CENPC: variants seen among roughly 807,000 people sequenced by gnomAD.
The protein encoded by CENPC is CENP-C 1.
A neutral mutation model predicts 112.1 loss-of-function variants in CENPC; 63 were observed. The ratio of observed to expected loss-of-function variants is 0.56; its 90% CI spans 0.46 to 0.69. The LOEUF is 0.69. CENPC is among the 30% of genes least tolerant of loss of function. The probability of loss-of-function intolerance (pLI) is 0.00; values close to 1 mark genes in which losing one functional copy is unlikely to be tolerated. For synonymous variants in CENPC, 333 were observed against 367.6 expected (o/e 0.91, Z 1.08); for missense variants, 1,000 against 1,103.8 (o/e 0.91, Z 1.33).
At chr4:67,521,018 T>C (rs1274248056) in intron 5 of CENPC, among the ~76,000 whole-genome samples, 1 of 131,526 alleles carries the variant, frequency 7.6e-6, no homozygotes, top group Non-Finnish European at 1.6e-5. Context: ...TCTCAAAAAA[T>C]AAACAAATAA....
chr4:67,544,030 A>T (rs1295929403), intron 2 of CENPC, 119 bp downstream of exon 2: 1 of 649,968 alleles, frequency 1.5e-6, no homozygotes, highest in Non-Finnish European at 2.8e-6. Context: ...GACTACCCTT[A>T]ATCAGTGGGC....
chr4:67,529,203 A>C (rs1254961464), intron 5 of CENPC, among the ~76,000 whole-genome samples: 1 of 152,144 alleles, frequency 6.6e-6, no homozygotes, highest in Non-Finnish European at 1.5e-5. Context: ...TGAGCTGTAG[A>C]AGTTCTTTAT....
chr4:67,497,348 A>T (rs1398465540), intron 12 of CENPC, among the ~76,000 whole-genome samples: 1 of 152,010 alleles, frequency 6.6e-6, no homozygotes, highest in Non-Finnish European at 1.5e-5. Flanking sequence ...ATTGCACTCC[A>T]CTCTGGGCGA....
At chr4:67,537,797 C>CAGAT (rs1184305081) in intron 4 of CENPC, among the ~76,000 whole-genome samples, 4 of 151,794 alleles carry the variant, frequency 2.6e-5, no homozygotes, top group East Asian at 1.9e-4. Flanking sequence ...TGTCTCAAGA[C>CAGAT]AGATAGATAG....
At chr4:67,509,144 T>C in intron 9 of CENPC, 39 bp from the exon 10 acceptor site, 1 of 1,518,800 alleles carries the variant, frequency 6.6e-7, no homozygotes, top group Non-Finnish European at 8.9e-7. Context: ...AGTAAGTTTG[T>C]CCAGATGATT....
intron 17 of CENPC, among the ~76,000 whole-genome samples, chr4:67,478,982 T>G (rs528027536): frequency 6.6e-5 from 10 of 152,232 alleles, no homozygotes; most frequent in African/African-American, 2.4e-4. Context: ...AAGAAGGCCA[T>G]TATGTAATAA....
At chr4:67,482,266 G>A (rs1417528578) in intron 17 of CENPC, among the ~76,000 whole-genome samples, 1 of 152,144 alleles carries the variant, frequency 6.6e-6, no homozygotes, top group Non-Finnish European at 1.5e-5. Flanking sequence ...AATAGTAGAT[G>A]TTGGCCTAGA....
In CENPC at chr4:67,492,963, G is replaced by A. The variant is rs1443175314; in HGVS notation, c.2325C>T (p.Asp775=). Residue 775 remains aspartate (D), a synonymous_variant, in exon 15 of 19, where the codon GAC becomes GAT. Transcript: ENST00000273853. ...TTGCCTTCCTTTTAGACGATATTGT[G>A]TCTGGAGATAGTACTCCACTAATCA... The part of the protein sequence containing the change: ...GFVISGVLSP[D]TISSKRKAKE... 2 of 1,547,282 alleles carry A rather than the reference G, an allele frequency of 1.3e-6. No individual in the cohort carries two copies. Among genetic ancestry groups the A allele is most frequent in the Non-Finnish European group, 8.7e-7 (1 of 1,146,574 alleles).
intron 5 of CENPC, among the ~76,000 whole-genome samples, chr4:67,524,952 C>T (rs763687985): frequency 2.0e-5 from 3 of 152,166 alleles, no homozygotes; most frequent in Non-Finnish European, 4.4e-5. Flanking sequence ...GTAACCAAAA[C>T]AGCTTGGTAC....
At chr4:67,504,448 C>T (rs533352908) in intron 12 of CENPC, among the ~76,000 whole-genome samples, 1 of 152,182 alleles carries the variant, frequency 6.6e-6, no homozygotes, top group East Asian at 1.9e-4. Flanking sequence ...AGATTACAAT[C>T]AAGCACGCAT....
chr4:67,503,812 A>T (rs941876577), intron 12 of CENPC, among the ~76,000 whole-genome samples: 14 of 152,112 alleles, frequency 9.2e-5, no homozygotes, highest in African/African-American at 3.1e-4. Flanking sequence ...ACTGAATTCA[A>T]ACAATAAATA....
intron 17 of CENPC, among the ~76,000 whole-genome samples, chr4:67,483,059 C>T (rs1279735998): frequency 6.6e-6 from 1 of 152,114 alleles, no homozygotes; most frequent in East Asian, 1.9e-4. Flanking sequence ...TGGCAATTCT[C>T]CTTGCTGCCA....
intron 5 of CENPC, among the ~76,000 whole-genome samples, chr4:67,526,229 A>G (rs1726373029): frequency 6.6e-6 from 1 of 152,070 alleles, no homozygotes; most frequent in South Asian, 2.1e-4. Context: ...GTGGGGCTTA[A>G]AACCAAGATG....
At chr4:67,490,192 T>C (rs754940819) in intron 16 of CENPC, 71 bp from the exon 17 acceptor site, 16 of 1,018,416 alleles carry the variant, frequency 1.6e-5, no homozygotes, top group Non-Finnish European at 1.9e-5. Flanking sequence ...TATACACATA[T>C]ATATAATAAA....
intron 12 of CENPC, among the ~76,000 whole-genome samples, chr4:67,496,842 T>C (rs368599192): frequency 7.9e-5 from 12 of 152,124 alleles, no homozygotes; most frequent in African/African-American, 2.7e-4. Flanking sequence ...ATTAATTATA[T>C]GGTATGTGAA....
At chr4:67,528,314 TA>T (rs1188329082) in intron 5 of CENPC, among the ~76,000 whole-genome samples, 4 of 152,166 alleles carry the variant, frequency 2.6e-5, no homozygotes, top group African/African-American at 9.7e-5. Context: ...TTTATTAAAA[TA>T]TTTTTTATGA....
At chr4:67,499,790 A>G (rs909381244) in intron 12 of CENPC, among the ~76,000 whole-genome samples, 3 of 152,180 alleles carry the variant, frequency 2.0e-5, no homozygotes, top group Non-Finnish European at 4.4e-5. Context: ...GGTTTCTGAC[A>G]TGCCTTCCTC....
intron 2 of CENPC, 40 bp from the exon 3 acceptor site, chr4:67,541,090 A>C: frequency 8.0e-7 from 1 of 1,252,934 alleles, no homozygotes. Flanking sequence ...TTCAGAAGAT[A>C]TTTCTTTATA....
At chr4:67,530,754 T>C (rs965713679) in intron 5 of CENPC, 61 bp downstream of exon 5, 1 of 775,396 alleles carries the variant, frequency 1.3e-6, no homozygotes, top group Non-Finnish European at 2.1e-6. Context: ...ACATGCACCA[T>C]TAGCGTTTCT....
Sources: allele counts gnomAD v4.1 joint callset (sites outside exome capture counted in the v4.1 genomes callset), GRCh38; gene constraint gnomAD v4.1.1; transcripts MANE v1.5; gene names NCBI Gene and HGNC (gene_info 2026-07-23, HGNC 2026-07-21).